PRDM5: variants seen among roughly 807,000 people sequenced by gnomAD.
PRDM5 encodes the protein PR/SET domain 5.
In PRDM5, 56 loss-of-function variants were observed where a neutral mutation model predicts 81.2. The observed-to-expected ratio is 0.69, with a 90% CI of 0.56 to 0.86. PRDM5 has a LOEUF of 0.86. PRDM5 is among the 40% of genes least tolerant of loss of function. The pLI is 0.00. For synonymous variants in PRDM5, 267 were observed against 256.4 expected (o/e 1.04, Z -0.39); for missense variants, 697 against 770.1 (o/e 0.91, Z 1.12).
chr4:120,918,351 A>G (rs931032280), intron 1 of PRDM5, among the ~76,000 whole-genome samples: 1 of 152,162 alleles, frequency 6.6e-6, no homozygotes, highest in African/African-American at 2.4e-5. Context: ...CCACCAGGAA[A>G]TGTAAGCAAA....
intron 2 of PRDM5, among the ~76,000 whole-genome samples, chr4:120,875,374 C>T (rs959877443): frequency 1.3e-5 from 2 of 152,250 alleles, no homozygotes; most frequent in African/African-American, 2.4e-5. Context: ...AGCCAGCAGC[C>T]TCTGTCTGCA....
chr4:120,710,220 GACAC>G (rs1553945560), intron 15 of PRDM5, 85 bp downstream of exon 15: 148 of 979,420 alleles, frequency 1.5e-4, no homozygotes, highest in Middle Eastern at 2.9e-4. Flanking sequence ...CACACACACA[GACAC>G]ACACACACAC....
chr4:120,910,824 A>G (rs1358534128), intron 1 of PRDM5, among the ~76,000 whole-genome samples: 1 of 152,206 alleles, frequency 6.6e-6, no homozygotes, highest in African/African-American at 2.4e-5. Flanking sequence ...GGAAACCTGT[A>G]TTTCAAACAC....
At chr4:120,696,704 T>TC (rs939939460) in intron 15 of PRDM5, among the ~76,000 whole-genome samples, 1 of 140,052 alleles carries the variant, frequency 7.1e-6, no homozygotes, top group African/African-American at 3.1e-5. Context: ...CAGTGTACAT[T>TC]TTTTTTTTCT....
At chr4:120,805,903 A>G (rs943194182) in intron 8 of PRDM5, among the ~76,000 whole-genome samples, 1 of 152,240 alleles carries the variant, frequency 6.6e-6, no homozygotes, top group Admixed American at 6.5e-5. Flanking sequence ...GAAAAGAGGA[A>G]GTCAAATTGT....
chr4:120,824,223 C>T (rs1194530915), intron 3 of PRDM5, among the ~76,000 whole-genome samples: 1 of 152,162 alleles, frequency 6.6e-6, no homozygotes, highest in African/African-American at 2.4e-5. Flanking sequence ...AGCTTCCTGT[C>T]GTCATGTTAC....
At chr4:120,872,086 G>A (rs1343338796) in intron 2 of PRDM5, among the ~76,000 whole-genome samples, 1 of 147,306 alleles carries the variant, frequency 6.8e-6, no homozygotes, top group Non-Finnish European at 1.5e-5. Flanking sequence ...GGGAGGCGGA[G>A]GTTGCAGTGA....
intron 2 of PRDM5, among the ~76,000 whole-genome samples, chr4:120,865,001 C>T (rs1761042857): frequency 6.6e-6 from 1 of 152,118 alleles, no homozygotes; most frequent in Admixed American, 6.5e-5. Flanking sequence ...ACTGCTCTGG[C>T]AACAAAAAAT....
chr4:120,844,655 T>G (rs1269763261), intron 3 of PRDM5, among the ~76,000 whole-genome samples: 1 of 152,174 alleles, frequency 6.6e-6, no homozygotes, highest in Non-Finnish European at 1.5e-5. Flanking sequence ...CCCTATTCCC[T>G]GAGACACAAC....
intron 14 of PRDM5, among the ~76,000 whole-genome samples, chr4:120,715,622 TTGTATTATA>T (rs1311972195): frequency 6.6e-6 from 1 of 152,224 alleles, no homozygotes; most frequent in African/African-American, 2.4e-5. Context: ...TTATTAAGGC[TTGTATTATA>T]TCCAAATATT....
chr4:120,803,254 G>A (rs1295652419), intron 8 of PRDM5, among the ~76,000 whole-genome samples: 1 of 152,192 alleles, frequency 6.6e-6, no homozygotes, highest in Non-Finnish European at 1.5e-5. Context: ...AAGTGACAGG[G>A]AGAATGGGAC....
At chr4:120,897,760 A>C (rs1431622624) in intron 2 of PRDM5, among the ~76,000 whole-genome samples, 1 of 152,208 alleles carries the variant, frequency 6.6e-6, no homozygotes, top group Non-Finnish European at 1.5e-5. Flanking sequence ...GCTCTAAAAT[A>C]TAAATTTGCT....
At chr4:120,816,682 G>A in intron 6 of PRDM5, 108 bp from the exon 7 acceptor site, 1 of 1,564,846 alleles carries the variant, frequency 6.4e-7, no homozygotes, top group East Asian at 2.2e-5. Flanking sequence ...AGAGTTTCGG[G>A]GTCATTCCAT....
chr4:120,804,395 A>G (rs1051808806), intron 8 of PRDM5, among the ~76,000 whole-genome samples: 22 of 152,350 alleles, frequency 1.4e-4, no homozygotes, highest in African/African-American at 4.6e-4. Context: ...AACAGAACAT[A>G]CATTCTTCTC....
intron 12 of PRDM5, among the ~76,000 whole-genome samples, chr4:120,780,325 T>A (rs1157774687): frequency 6.6e-6 from 1 of 151,876 alleles, no homozygotes; most frequent in East Asian, 1.9e-4. Flanking sequence ...ACATGACTAG[T>A]CTCAGCTACT....
intron 14 of PRDM5, among the ~76,000 whole-genome samples, chr4:120,713,073 T>G (rs533871751): frequency 2.0e-5 from 3 of 152,328 alleles, no homozygotes; most frequent in African/African-American, 7.2e-5. Flanking sequence ...ATTCACTGTA[T>G]CCTTGTGATT....
At chr4:120,713,596 C>T (rs766663742) in intron 14 of PRDM5, among the ~76,000 whole-genome samples, 1 of 151,972 alleles carries the variant, frequency 6.6e-6, no homozygotes. Flanking sequence ...TATTTCTTTC[C>T]TTTTAATGGT....
chr4:120,821,820 C>T (rs1755319069), intron 3 of PRDM5, among the ~76,000 whole-genome samples: 1 of 151,232 alleles, frequency 6.6e-6, no homozygotes, highest in African/African-American at 2.4e-5. Flanking sequence ...AAAGAATTTA[C>T]TGAAACCTGG....
At position 120,877,853 on chromosome 4, in the gene PRDM5, C is replaced by T. The variant is rs544234731; in HGVS notation, c.178-24313G>A. 2.5e-3 allele frequency among the ~76,000 whole-genome samples: 379 copies of T among 152,250 alleles called. 2 individuals are homozygous for T. Among genetic ancestry groups the T allele is most frequent in the African/African-American group, 8.5e-3 (354 of 41,546 alleles). ...AACAAACTTATCTTTCAGCCAACTT[C>T]GTGTTTACTGCCCAGGAACTCATAA... On this transcript the variant is annotated intron_variant, in intron 2 of 15. Coordinates refer to ENST00000264808, the MANE Select transcript of PRDM5 (RefSeq NM_018699.4).
Sources: allele counts gnomAD v4.1 joint callset (sites outside exome capture counted in the v4.1 genomes callset), GRCh38; gene constraint gnomAD v4.1.1; transcripts MANE v1.5; gene names NCBI Gene and HGNC (gene_info 2026-07-23, HGNC 2026-07-21).